The following DNMBP variants were observed in gnomAD, a reference collection of about 807,000 sequenced individuals.
DNMBP encodes the protein dynamin binding protein.
A neutral mutation model predicts 150.0 loss-of-function variants in DNMBP; 87 were observed. The ratio of observed to expected loss-of-function variants is 0.58; its 90% CI spans 0.49 to 0.69. The LOEUF is 0.69. DNMBP is among the 30% of genes least tolerant of loss of function. DNMBP has a pLI of 0.00. For synonymous variants in DNMBP, 711 were observed against 750.4 expected (o/e 0.95, Z 0.86); for missense variants, 1,774 against 1,949.0 (o/e 0.91, Z 1.69).
At chr10:99,983,997 G>A (rs2040804812) in intron 1 of DNMBP, among the ~76,000 whole-genome samples, 1 of 152,052 alleles carries the variant, frequency 6.6e-6, no homozygotes, top group Non-Finnish European at 1.5e-5. Flanking sequence ...TTTGTTTTAC[G>A]AAAGACAGAA....
chr10:99,964,603 G>A (rs2040599941), intron 3 of DNMBP, among the ~76,000 whole-genome samples: 1 of 151,362 alleles, frequency 6.6e-6, no homozygotes. Flanking sequence ...AGGCGTGGTG[G>A]CTCATGCCTG....
intron 9 of DNMBP, among the ~76,000 whole-genome samples, chr10:99,897,675 G>A (rs767640119): frequency 2.6e-5 from 4 of 152,054 alleles, no homozygotes; most frequent in South Asian, 2.1e-4. Context: ...AGTGGCTCAC[G>A]CCTATAATCA....
At chr10:99,936,938 A>T (rs2040240598) in intron 4 of DNMBP, among the ~76,000 whole-genome samples, 2 of 151,756 alleles carry the variant, frequency 1.3e-5, no homozygotes, top group Non-Finnish European at 2.9e-5. Context: ...TTACTCTGTC[A>T]CCCAGGCTGG....
intron 11 of DNMBP, among the ~76,000 whole-genome samples, chr10:99,890,259 A>G (rs1276971552): frequency 6.6e-6 from 1 of 152,194 alleles, no homozygotes; most frequent in East Asian, 1.9e-4. Context: ...GCCAATGTAG[A>G]TACCAAATTA....
In DNMBP at chr10:99,956,143, G is replaced by A; in HGVS notation, c.1331C>T (p.Pro444Leu). Reference protein sequence around the residue: ...GGSHPHSEQYPDLLPLEARTR... With the variant: ...GGSHPHSEQYLDLLPLEARTR... ...CCTTGCTTCTAGGGGAAGAAGGTCGGGGTACTGTTCTGAGTGCGGGTGGCT... is the reference window on the plus strand; with the variant it reads ...CCTTGCTTCTAGGGGAAGAAGGTCGAGGTACTGTTCTGAGTGCGGGTGGCT... The change falls in exon 4 of 17, where the codon CCC becomes CTC. Residue 444 changes from proline (P) to leucine (L), a missense_variant. Physicochemically the swap from Pro to Leu is moderately conservative, Grantham distance 98 (BLOSUM62 -3). Coordinates refer to ENST00000324109, the MANE Select transcript of DNMBP (RefSeq NM_015221.4). The A allele has an allele frequency of 6.2e-7, 1 of 1,614,136 alleles. No homozygotes were observed. The highest frequency in any genetic ancestry group is 8.5e-7 in the Non-Finnish European group (1 of 1,180,032).
At chr10:99,904,881 C>T (rs1369499503) in intron 6 of DNMBP, among the ~76,000 whole-genome samples, 1 of 152,196 alleles carries the variant, frequency 6.6e-6, no homozygotes, top group Non-Finnish European at 1.5e-5. Context: ...ACTATAGACA[C>T]AGATGCTAAG....
chr10:99,895,435 G>GC, intron 10 of DNMBP, among the ~76,000 whole-genome samples: 1 of 152,286 alleles, frequency 6.6e-6, no homozygotes, highest in South Asian at 2.1e-4. Context: ...GCCAAAAGTA[G>GC]CTTCCTTAAA....
chr10:99,986,594 C>CAAAAAAAAAAAAAAAAAAAAAAAAAAA (rs747726572), intron 1 of DNMBP, among the ~76,000 whole-genome samples: 4 of 74,170 alleles, frequency 5.4e-5, no homozygotes, highest in African/African-American at 1.4e-4. Flanking sequence ...GACTCCGTCT[C>CAAAAAAAAAAAAAAAAAAAAAAAAAAA]AAAAAAAAAA....
chr10:99,965,248 TGA>T (rs1232809826), intron 3 of DNMBP, among the ~76,000 whole-genome samples: 1 of 152,162 alleles, frequency 6.6e-6, no homozygotes, highest in East Asian at 1.9e-4. Flanking sequence ...AAACTGAGGC[TGA>T]GAGACTTAAG....
At chr10:99,920,239 C>T (rs1183734494) in intron 4 of DNMBP, among the ~76,000 whole-genome samples, 2 of 151,976 alleles carry the variant, frequency 1.3e-5, no homozygotes, top group Non-Finnish European at 2.9e-5. Context: ...CCACGCCTGG[C>T]TAATTTTGTA....
chr10:99,990,873 C>G (rs909400518), intron 1 of DNMBP, among the ~76,000 whole-genome samples: 50 of 138,836 alleles, frequency 3.6e-4, no homozygotes, highest in Admixed American at 1.3e-3. Flanking sequence ...ATATATATAG[C>G]TTTTTCCAGG....
chr10:99,900,170 A>G, intron 6 of DNMBP, 104 bp from the exon 7 acceptor site: 5 of 1,090,892 alleles, frequency 4.6e-6, no homozygotes, highest in Middle Eastern at 2.0e-4. Flanking sequence ...AATCCTACCT[A>G]TTACAAGAAA....
At chr10:99,995,483 G>A (rs2040941546) in intron 1 of DNMBP, among the ~76,000 whole-genome samples, 1 of 152,210 alleles carries the variant, frequency 6.6e-6, no homozygotes, top group Admixed American at 6.5e-5. Context: ...ATACAAGTTT[G>A]ACCTCATTTC....
intron 1 of DNMBP, among the ~76,000 whole-genome samples, chr10:99,975,190 G>A (rs1245828096): frequency 2.0e-5 from 3 of 151,894 alleles, no homozygotes; most frequent in African/African-American, 7.3e-5. Flanking sequence ...GAGAAACCCC[G>A]TCTCTATTAA....
intron 4 of DNMBP, among the ~76,000 whole-genome samples, chr10:99,916,633 A>C (rs2039967881): frequency 6.8e-6 from 1 of 146,520 alleles, no homozygotes; most frequent in Non-Finnish European, 1.5e-5. Context: ...GAGTAAATTA[A>C]AACTTTAATA....
intron 4 of DNMBP, among the ~76,000 whole-genome samples, chr10:99,949,526 A>G (rs2040396449): frequency 6.6e-6 from 1 of 152,224 alleles, no homozygotes; most frequent in South Asian, 2.1e-4. Context: ...GAAGACAGAA[A>G]AAAATGACCT....
chr10:99,950,370 C>A (rs1476398403), intron 4 of DNMBP, among the ~76,000 whole-genome samples: 1 of 152,068 alleles, frequency 6.6e-6, no homozygotes, highest in Non-Finnish European at 1.5e-5. Flanking sequence ...GAAAATGGTA[C>A]CAGTAAAGCG....
Position 99,981,288 on chromosome 10 carries a change from T to C in DNMBP, c.-10-9154A>G, listed in dbSNP as rs528177861. Among the ~76,000 whole-genome samples, 33 of 152,218 alleles carry C rather than the reference T, an allele frequency of 2.2e-4. No individual in the cohort carries two copies. The South Asian group carries it at 6.6e-3, about 31-fold the overall frequency. ...CCTTCACCTCCTGGGCTCAAGTAAC[T>C]CTCGTGCCTCAGCCTCCTGAGTAGC... On this transcript the variant is annotated intron_variant, in intron 1 of 16. Transcript: ENST00000324109.
chr10:99,935,329 T>G lies in DNMBP; in HGVS notation c.2260+19885A>C, dbSNP rs189879038. Among the ~76,000 whole-genome samples the G allele has an allele frequency of 4.8e-3, 731 of 152,130 alleles. 5 individuals carry two copies. The highest frequency in any genetic ancestry group is 0.041 in the Middle Eastern group (12 of 294). On this transcript the variant is annotated intron_variant, in intron 4 of 16. Coordinates refer to ENST00000324109, the MANE Select transcript of DNMBP (RefSeq NM_015221.4). ...CCAAAGAGAAGGTGGTACCTACCAT[T>G]AAGGAACTGTAACCTACTTGGGAAT...
Sources: gnomAD v4.1 joint callset for allele counts (sites outside exome capture counted in the v4.1 genomes callset) on GRCh38, gnomAD v4.1.1 for gene constraint, MANE v1.5 for transcripts, NCBI Gene and HGNC (gene_info 2026-07-23, HGNC 2026-07-21) for gene names.